DPP10: variants seen among roughly 807,000 people sequenced by gnomAD.
DPP10 encodes dipeptidyl peptidase like 10, also known as inactive dipeptidyl peptidase 10.
A neutral mutation model predicts 120.9 loss-of-function variants in DPP10; 33 were observed. The ratio of observed to expected loss-of-function variants is 0.27; its 90% CI spans 0.21 to 0.37. DPP10 has a LOEUF of 0.37. Ranked by LOEUF, DPP10 falls within the 10% of genes least tolerant of loss-of-function variation. DPP10 has a pLI of 1.00. For missense variants in DPP10, 816 were observed against 942.8 expected, an observed-to-expected ratio of 0.87 and a Z score of 1.76; for synonymous variants, 337 against 326.1, an observed-to-expected ratio of 1.03 and a Z score of -0.36.
intron 1 of DPP10, among the ~76,000 whole-genome samples, chr2:114,458,832 A>G (rs1678717905): frequency 6.6e-6 from 1 of 152,218 alleles, no homozygotes; most frequent in South Asian, 2.1e-4. Context: ...GAGATCATTA[A>G]TAAAAGTCAA....
chr2:115,002,796 C>G (rs1213060087), intron 1 of DPP10, among the ~76,000 whole-genome samples: 1 of 151,962 alleles, frequency 6.6e-6, no homozygotes. Context: ...AAATGCAAAT[C>G]AATACGACAA....
At chr2:114,470,890 G>A (rs1679852048) in intron 1 of DPP10, among the ~76,000 whole-genome samples, 1 of 152,282 alleles carries the variant, frequency 6.6e-6, no homozygotes, top group South Asian at 2.1e-4. Context: ...CACCAACTAT[G>A]CCCTAAGCAC....
chr2:115,530,820 T>C (rs2078416853), intron 5 of DPP10, among the ~76,000 whole-genome samples: 1 of 152,164 alleles, frequency 6.6e-6, no homozygotes, highest in African/African-American at 2.4e-5. Flanking sequence ...GAAACTCTGA[T>C]TTAATTGGCC....
chr2:114,666,712 A>G (rs1242955529), intron 1 of DPP10, among the ~76,000 whole-genome samples: 1 of 152,210 alleles, frequency 6.6e-6, no homozygotes, highest in Non-Finnish European at 1.5e-5. Context: ...GGTCTTAAAT[A>G]TAGAAACTTG....
At chr2:115,591,851 T>C (rs1558895281) in intron 5 of DPP10, among the ~76,000 whole-genome samples, 2 of 152,228 alleles carry the variant, frequency 1.3e-5, no homozygotes, top group East Asian at 3.8e-4. Context: ...TTTGTAGTTC[T>C]CCTTGAAGAG....
chr2:115,457,222 A>C (rs1180078072), intron 3 of DPP10, among the ~76,000 whole-genome samples: 1 of 152,154 alleles, frequency 6.6e-6, no homozygotes, highest in Admixed American at 6.6e-5. Context: ...CACTTGAAAA[A>C]AAATGAATTT....
At chr2:115,377,636 G>A (rs1057331387) in intron 3 of DPP10, among the ~76,000 whole-genome samples, 1 of 152,148 alleles carries the variant, frequency 6.6e-6, no homozygotes, top group African/African-American at 2.4e-5. Context: ...CCATGCCTAT[G>A]TCCTGAATGG....
intron 1 of DPP10, among the ~76,000 whole-genome samples, chr2:114,772,188 C>T (rs1400355955): frequency 1.3e-5 from 2 of 151,728 alleles, no homozygotes; most frequent in Admixed American, 6.6e-5. Context: ...AAGAGAGTCT[C>T]ACTGTGTTTT....
rs145308164 is a variant in DPP10 at position 115,816,106 on chromosome 2, C to G, written c.1950+377C>G. ...TATTTATTGGGCAGTTAGTTGGCAC[C>G]TGGTGTCAGAAGTAGAACAACAACA... On this transcript the variant is annotated intron_variant, in intron 21 of 25. Transcript: ENST00000410059. Among the ~76,000 whole-genome samples the G allele has an allele frequency of 7.5e-3, 1,147 of 151,998 alleles. 12 individuals are homozygous for G. The highest frequency in any genetic ancestry group is 0.026 in the African/African-American group (1,090 of 41,434).
chr2:114,725,869 G>T (rs531027796), intron 1 of DPP10, among the ~76,000 whole-genome samples: 1 of 152,114 alleles, frequency 6.6e-6, no homozygotes, highest in African/African-American at 2.4e-5. Flanking sequence ...CTCCTAAACC[G>T]AAATGACAAA....
chr2:115,415,795 T>G (rs12476869), intron 3 of DPP10, among the ~76,000 whole-genome samples: 3,272 of 141,480 alleles, frequency 0.023, 128 homozygotes, highest in African/African-American at 0.081. Context: ...AGTGGAAAAA[T>G]AAATCAGATT....
chr2:114,751,355 C>T (rs1679199966), intron 1 of DPP10, among the ~76,000 whole-genome samples: 1 of 152,188 alleles, frequency 6.6e-6, no homozygotes, highest in African/African-American at 2.4e-5. Flanking sequence ...TACAATTTCT[C>T]CAACTACTTA....
At chr2:114,950,193 G>T (rs904479833) in intron 1 of DPP10, among the ~76,000 whole-genome samples, 2 of 149,252 alleles carry the variant, frequency 1.3e-5, no homozygotes, top group Non-Finnish European at 3.0e-5. Context: ...TCAGTGATAT[G>T]TTTTCCTTTA....
chr2:115,539,015 A>G (rs2079031048), intron 5 of DPP10, among the ~76,000 whole-genome samples: 2 of 151,994 alleles, frequency 1.3e-5, no homozygotes, highest in Non-Finnish European at 2.9e-5. Flanking sequence ...GAACATAGCT[A>G]CTGAAAATAA....
intron 4 of DPP10, among the ~76,000 whole-genome samples, chr2:115,518,155 C>T (rs1042958592): frequency 6.6e-6 from 1 of 152,100 alleles, no homozygotes; most frequent in Admixed American, 6.6e-5. Flanking sequence ...GAAGCCTGTC[C>T]CATGACCTAA....
intron 19 of DPP10, among the ~76,000 whole-genome samples, chr2:115,807,482 G>A (rs116364655): frequency 0.014 from 2,127 of 152,192 alleles, 51 homozygotes; most frequent in African/African-American, 0.046. Flanking sequence ...TACAGTACGC[G>A]TAACTGCAGT....
intron 13 of DPP10, among the ~76,000 whole-genome samples, chr2:115,768,667 T>A (rs1443463126): frequency 6.6e-6 from 1 of 152,138 alleles, no homozygotes; most frequent in Admixed American, 6.6e-5. Flanking sequence ...GAGAATTTAA[T>A]AAATTAAAAG....
At chr2:115,300,083 T>G (rs1476411091) in intron 1 of DPP10, among the ~76,000 whole-genome samples, 1 of 152,088 alleles carries the variant, frequency 6.6e-6, no homozygotes, top group Non-Finnish European at 1.5e-5. Flanking sequence ...ATAAATGCTG[T>G]TTTTATATGT....
intron 1 of DPP10, among the ~76,000 whole-genome samples, chr2:114,953,270 A>G (rs1353609179): frequency 1.3e-5 from 2 of 152,200 alleles, no homozygotes; most frequent in Non-Finnish European, 1.5e-5. Context: ...TAGCAATCCC[A>G]TAAGGCACTT....
Sources: gnomAD v4.1 joint callset for allele counts (sites outside exome capture counted in the v4.1 genomes callset) on GRCh38, gnomAD v4.1.1 for gene constraint, MANE v1.5 for transcripts, NCBI Gene and HGNC (gene_info 2026-07-23, HGNC 2026-07-21) for gene names.